The following CHL1 variants were observed in gnomAD, a reference collection of about 807,000 sequenced individuals.
CHL1 encodes the protein cell adhesion molecule L1 like, also known as neural cell adhesion molecule L1-like protein.
In CHL1, 96 loss-of-function variants were observed where a neutral mutation model predicts 141.9. The observed-to-expected ratio is 0.68, with a 90% CI of 0.57 to 0.80. The LOEUF (loss-of-function observed/expected upper bound fraction) is 0.80, where lower values mean the gene tolerates loss of function less well. Ranked by LOEUF, CHL1 falls within the 30% of genes least tolerant of loss-of-function variation. The pLI, the probability that CHL1 is intolerant of heterozygous loss-of-function variation, is 0.00. For synonymous variants in CHL1, 613 were observed against 502.2 expected, an observed-to-expected ratio of 1.22 and a Z score of -2.95; for missense variants, 1,820 against 1,457.2, an observed-to-expected ratio of 1.25 and a Z score of -4.05.
intron 2 of CHL1, among the ~76,000 whole-genome samples, chr3:306,236 G>A (rs532344282): frequency 8.5e-5 from 13 of 152,210 alleles, no homozygotes; most frequent in African/African-American, 2.9e-4. Flanking sequence ...CAGAAGATGA[G>A]CCAAAGGAAA....
intron 1 of CHL1, among the ~76,000 whole-genome samples, chr3:234,920 GCCTAAAAGACTT>G (rs1235598491): frequency 6.6e-6 from 1 of 152,056 alleles, no homozygotes; most frequent in East Asian, 1.9e-4. Flanking sequence ...ACCTAAATAA[GCCTAAAAGACTT>G]CCAGGCAGTT....
chr3:339,213 G>A (rs1346027275), intron 5 of CHL1, among the ~76,000 whole-genome samples: 1 of 152,052 alleles, frequency 6.6e-6, no homozygotes, highest in Non-Finnish European at 1.5e-5. Flanking sequence ...TGGAGATTTG[G>A]GTACATAAAC....
intron 25 of CHL1, 22 bp from the exon 26 acceptor site, chr3:398,995 G>C (rs1396173307): frequency 6.2e-7 from 1 of 1,610,100 alleles, no homozygotes; most frequent in Non-Finnish European, 8.5e-7. Context: ...TTACAATGCT[G>C]TGACTTCTCT....
intron 5 of CHL1, among the ~76,000 whole-genome samples, chr3:334,732 C>A (rs1249397465): frequency 6.6e-6 from 1 of 152,146 alleles, no homozygotes; most frequent in Non-Finnish European, 1.5e-5. Context: ...AGTGATACTG[C>A]AAATTCTCTG....
chr3:256,973 C>T (rs1044761474), intron 2 of CHL1, among the ~76,000 whole-genome samples: 2 of 152,126 alleles, frequency 1.3e-5, no homozygotes, highest in African/African-American at 4.8e-5. Context: ...AAGGGGATAC[C>T]TAATATGTAA....
chr3:278,290 T>A (rs1269571605), intron 2 of CHL1, among the ~76,000 whole-genome samples: 1 of 152,244 alleles, frequency 6.6e-6, no homozygotes, highest in Non-Finnish European at 1.5e-5. Flanking sequence ...CGGTTTTCCT[T>A]GTGGCCCATA....
chr3:254,165 T>G (rs141353970), intron 2 of CHL1, among the ~76,000 whole-genome samples: 1 of 152,278 alleles, frequency 6.6e-6, no homozygotes, highest in Non-Finnish European at 1.5e-5. Context: ...AGAGTACTCC[T>G]TTGTGCAATG....
At chr3:333,124 A>ATTTTTTTTTTTTTTGTTTTTTTTT (rs879790982) in intron 5 of CHL1, among the ~76,000 whole-genome samples, 1 of 83,314 alleles carries the variant, frequency 1.2e-5, no homozygotes. Flanking sequence ...TAATTGCTCT[A>ATTTTTTTTTTTTTTGTTTTTTTTT]TTTTTTTTAT....
intron 22 of CHL1, 96 bp downstream of exon 22, chr3:391,255 C>A: frequency 1.0e-6 from 1 of 984,490 alleles, no homozygotes; most frequent in Non-Finnish European, 1.6e-6. Flanking sequence ...TGGCTCATGC[C>A]TGTAAATCCC....
At chr3:342,743 C>T (rs1287889208) in intron 7 of CHL1, among the ~76,000 whole-genome samples, 1 of 152,086 alleles carries the variant, frequency 6.6e-6, no homozygotes, top group Non-Finnish European at 1.5e-5. Context: ...TAACATTCTT[C>T]TAGTAGCCTC....
chr3:342,108 A>C, intron 7 of CHL1, 26 bp downstream of exon 7: 1 of 1,586,364 alleles, frequency 6.3e-7, no homozygotes, highest in Non-Finnish European at 8.6e-7. Context: ...TTATCGTTTC[A>C]TCATGTATGC....
At chr3:368,572 G>T (rs1705202811) in intron 15 of CHL1, among the ~76,000 whole-genome samples, 1 of 152,104 alleles carries the variant, frequency 6.6e-6, no homozygotes, top group African/African-American at 2.4e-5. Flanking sequence ...AGTTTCTTTT[G>T]CTGTGCAGAA....
chr3:277,785 G>C (rs1364083408), intron 2 of CHL1, among the ~76,000 whole-genome samples: 2 of 152,104 alleles, frequency 1.3e-5, no homozygotes, highest in Non-Finnish European at 2.9e-5. Context: ...ATTGTTATTG[G>C]AAAGAGAATC....
intron 2 of CHL1, among the ~76,000 whole-genome samples, chr3:294,390 T>C (rs1336250413): frequency 6.6e-6 from 1 of 152,180 alleles, no homozygotes; most frequent in Non-Finnish European, 1.5e-5. Context: ...TTCATTGAGT[T>C]AACGAGGAAG....
chr3:278,747 C>T (rs182998863), intron 2 of CHL1, among the ~76,000 whole-genome samples: 1 of 152,168 alleles, frequency 6.6e-6, no homozygotes, highest in Non-Finnish European at 1.5e-5. Flanking sequence ...TGTAGAAGTA[C>T]ACACACTGCT....
intron 4 of CHL1, among the ~76,000 whole-genome samples, chr3:327,628 CCA>C (rs1386994396): frequency 2.6e-5 from 4 of 151,650 alleles, no homozygotes; most frequent in African/African-American, 9.7e-5. Context: ...AAATTAGTAA[CCA>C]TATGACAGAA....
At chr3:378,094 C>G in intron 16 of CHL1, 152 bp downstream of exon 16, 1 of 565,856 alleles carries the variant, frequency 1.8e-6, no homozygotes, top group Non-Finnish European at 2.8e-6. Flanking sequence ...AACTTCAAAT[C>G]CTTTCTCCTT....
At chr3:395,442 C>A (rs955907422) in intron 24 of CHL1, among the ~76,000 whole-genome samples, 3 of 152,128 alleles carry the variant, frequency 2.0e-5, no homozygotes, top group Admixed American at 1.3e-4. Context: ...TTTTTTTCTA[C>A]CTTTAACCAT....
chr3:389,103 C>G, intron 19 of CHL1, 149 bp from the exon 20 acceptor site: 1 of 676,826 alleles, frequency 1.5e-6, no homozygotes, highest in Non-Finnish European at 2.5e-6. Context: ...TTTTTCACAA[C>G]TGTCTCTAAA....
Sources: gnomAD v4.1 joint callset for allele counts (sites outside exome capture counted in the v4.1 genomes callset) on GRCh38, gnomAD v4.1.1 for gene constraint, MANE v1.5 for transcripts, NCBI Gene and HGNC (gene_info 2026-07-23, HGNC 2026-07-21) for gene names.